The following EFCAB6 variants were observed in gnomAD, a reference collection of about 807,000 sequenced individuals.
EFCAB6 encodes EF-hand calcium binding domain 6, also known as EF-hand calcium-binding domain-containing protein 6.
In EFCAB6, 156 loss-of-function variants were observed where a neutral mutation model predicts 169.8. The ratio of observed to expected loss-of-function variants is 0.92; its 90% CI spans 0.81 to 1.05. The LOEUF (loss-of-function observed/expected upper bound fraction) is 1.05. Among genes scored for constraint, EFCAB6 ranks in the 50% least tolerant of loss-of-function variants. EFCAB6 has a pLI of 0.00. For synonymous variants in EFCAB6, 698 were observed against 676.4 expected (o/e 1.03, Z -0.50); for missense variants, 1,800 against 1,829.1 (o/e 0.98, Z 0.29).
chr22:43,798,650 ACAT>A (rs1414967651), intron 2 of EFCAB6, among the ~76,000 whole-genome samples: 1 of 152,200 alleles, frequency 6.6e-6, no homozygotes, highest in Non-Finnish European at 1.5e-5. Context: ...AAGGCAACTG[ACAT>A]CATCACTACG....
At chr22:43,550,730 C>T (rs2048333184) in intron 27 of EFCAB6, among the ~76,000 whole-genome samples, 1 of 151,494 alleles carries the variant, frequency 6.6e-6, no homozygotes, top group Non-Finnish European at 1.5e-5. Flanking sequence ...AATACATCTG[C>T]ATATTAAAAG....
chr22:43,662,206 T>C (rs1374359638), intron 17 of EFCAB6, among the ~76,000 whole-genome samples: 2 of 143,210 alleles, frequency 1.4e-5, no homozygotes, highest in East Asian at 4.1e-4. Flanking sequence ...AATAATAATT[T>C]ATAGAGTAGA....
At chr22:43,614,609 C>T (rs1010473630) in intron 21 of EFCAB6, among the ~76,000 whole-genome samples, 7 of 152,170 alleles carry the variant, frequency 4.6e-5, no homozygotes, top group South Asian at 2.1e-4. Flanking sequence ...GTTCTAGTCC[C>T]GACCCTTTCC....
At chr22:43,737,337 T>A (rs566773195) in intron 6 of EFCAB6, among the ~76,000 whole-genome samples, 1 of 148,864 alleles carries the variant, frequency 6.7e-6, no homozygotes, top group South Asian at 2.2e-4. Context: ...CACATATTCA[T>A]ACACACACCT....
chr22:43,561,521 T>C (rs2147124462), intron 26 of EFCAB6, among the ~76,000 whole-genome samples: 1 of 152,136 alleles, frequency 6.6e-6, no homozygotes, highest in African/African-American at 2.4e-5. Flanking sequence ...CCATGGATGC[T>C]GCCGCCCAGA....
intron 26 of EFCAB6, among the ~76,000 whole-genome samples, chr22:43,561,708 A>G (rs2049049679): frequency 6.6e-6 from 1 of 152,200 alleles, no homozygotes; most frequent in Non-Finnish European, 1.5e-5. Context: ...GACGCCAGAG[A>G]GGAACAGATG....
intron 21 of EFCAB6, among the ~76,000 whole-genome samples, chr22:43,615,468 T>G (rs1211606295): frequency 6.6e-6 from 1 of 152,194 alleles, no homozygotes; most frequent in African/African-American, 2.4e-5. Flanking sequence ...CATCTTATAT[T>G]TTTCATGTAT....
intron 26 of EFCAB6, among the ~76,000 whole-genome samples, chr22:43,559,969 T>C (rs1334743935): frequency 6.6e-6 from 1 of 152,328 alleles, no homozygotes; most frequent in African/African-American, 2.4e-5. Context: ...CCATGGCACA[T>C]GTATACCTAT....
chr22:43,738,411 T>TCACA (rs961492762), intron 6 of EFCAB6, among the ~76,000 whole-genome samples: 3 of 149,558 alleles, frequency 2.0e-5, no homozygotes, highest in Non-Finnish European at 4.4e-5. Context: ...CACACATCTC[T>TCACA]CACACACATA....
chr22:43,724,449 C>A (rs980252554), intron 8 of EFCAB6, among the ~76,000 whole-genome samples: 1 of 150,670 alleles, frequency 6.6e-6, no homozygotes, highest in Non-Finnish European at 1.5e-5. Flanking sequence ...CTTACTGCAA[C>A]CTCTGCCTCC....
chr22:43,680,901 C>G (rs2057979967), intron 12 of EFCAB6, among the ~76,000 whole-genome samples: 1 of 152,222 alleles, frequency 6.6e-6, no homozygotes, highest in Non-Finnish European at 1.5e-5. Flanking sequence ...ATTGTATCGT[C>G]TGTGTACAAA....
In EFCAB6 at chr22:43,572,657, C is replaced by T. The variant is rs974107415; in HGVS notation, c.3420+3640G>A. Among the ~76,000 whole-genome samples the T allele has an allele frequency of 6.6e-6, 1 of 152,196 alleles. No homozygotes were observed. The highest frequency in any genetic ancestry group is 2.1e-4 in the South Asian group (1 of 4,828). ...GCCAGTCCCTTGCCCGATGTCACTGCTCACTCCCTCCCCTCCTCGTCGCTC... is the reference window on the plus strand; with the variant it reads ...GCCAGTCCCTTGCCCGATGTCACTGTTCACTCCCTCCCCTCCTCGTCGCTC... On this transcript the variant is annotated intron_variant, in intron 26 of 31. Transcript: ENST00000262726. This position sits in a 1 kb window ranked among gnomAD's most constrained non-coding sequence, Gnocchi z 4.0.
intron 10 of EFCAB6, among the ~76,000 whole-genome samples, chr22:43,707,712 A>G (rs911110582): frequency 6.6e-6 from 1 of 152,174 alleles, no homozygotes; most frequent in African/African-American, 2.4e-5. Context: ...AAACTGAACT[A>G]AACACTCACA....
chr22:43,530,108 C>A (rs1292929884), intron 31 of EFCAB6, among the ~76,000 whole-genome samples: 1 of 152,226 alleles, frequency 6.6e-6, no homozygotes. Context: ...GCCATCTGAT[C>A]TGTGACTCTG....
At chr22:43,727,725 T>C (rs1332045174) in intron 8 of EFCAB6, among the ~76,000 whole-genome samples, 2 of 152,158 alleles carry the variant, frequency 1.3e-5, no homozygotes, top group Non-Finnish European at 2.9e-5. Flanking sequence ...CAAAGATGTA[T>C]ATTAGAAACC....
In EFCAB6 at chr22:43,612,269, A is replaced by C. The variant is rs189874558; in HGVS notation, c.2562+3557T>G. 1.1e-4 allele frequency among the ~76,000 whole-genome samples: 16 copies of C among 152,332 alleles called. No homozygotes were observed. The East Asian group carries it at 3.1e-3, about 29-fold the overall frequency. On this transcript the variant is annotated intron_variant, in intron 21 of 31. Transcript: ENST00000262726. ...TACCATTCTGGACATAGGAACTGAG[A>C]AATATTTCATGACGAAAGAAAAAAT... is the stretch of plus-strand genomic sequence containing the variant.
At chr22:43,679,003 A>C (rs6006528) in intron 12 of EFCAB6, among the ~76,000 whole-genome samples, 35,913 of 152,110 alleles carry the variant, frequency 0.24, 5,303 homozygotes, top group East Asian at 0.62. Flanking sequence ...GAGAGTCATA[A>C]TCAATTCTTT....
intron 23 of EFCAB6, among the ~76,000 whole-genome samples, chr22:43,596,038 A>G (rs1461163403): frequency 6.6e-6 from 1 of 152,192 alleles, no homozygotes; most frequent in Non-Finnish European, 1.5e-5. Context: ...ATTTTATAAA[A>G]TTCAACGTCC....
chr22:43,573,773 C>T (rs2050052197), intron 26 of EFCAB6, among the ~76,000 whole-genome samples: 1 of 149,306 alleles, frequency 6.7e-6, no homozygotes, highest in Admixed American at 6.7e-5. Flanking sequence ...CACAAACATG[C>T]CAAAGTATTA....
Sources: allele counts gnomAD v4.1 joint callset (sites outside exome capture counted in the v4.1 genomes callset), GRCh38; gene constraint gnomAD v4.1.1; non-coding constraint Gnocchi (gnomAD v3.1); transcripts MANE v1.5; gene names NCBI Gene and HGNC (gene_info 2026-07-23, HGNC 2026-07-21).